Variants in UNC79 observed in about 807,000 individuals in gnomAD.
UNC79 encodes the protein protein unc-79 homolog.
A neutral mutation model predicts 283.1 loss-of-function variants in UNC79; 37 were observed. The observed-to-expected ratio is 0.13, with a 90% confidence interval of 0.10 to 0.17. The LOEUF is 0.17. Among genes scored for constraint, UNC79 ranks in the 10% least tolerant of loss-of-function variants. UNC79 has a pLI of 1.00. For synonymous variants in UNC79, 1,107 were observed against 1,200.2 expected, an observed-to-expected ratio of 0.92 and a Z score of 1.61; for missense variants, 2,272 against 3,211.1, an observed-to-expected ratio of 0.71 and a Z score of 7.07.
intron 29 of UNC79, chr14:93,620,933 C>T (rs2067085941): frequency 1.9e-6 from 1 of 518,328 alleles, no homozygotes; most frequent in African/African-American, 1.9e-5. Flanking sequence ...TCATGATACA[C>T]CTACTGGACC....
chr14:93,673,523 T>C (rs988188183), intron 41 of UNC79, 68 bp downstream of exon 44: 28 of 1,328,916 alleles, frequency 2.1e-5, no homozygotes, highest in Non-Finnish European at 3.0e-5. Flanking sequence ...TTAAGGGAGG[T>C]GTAGAGTGTA....
chr14:93,702,374 T>C (rs1320251704), intron 47 of UNC79, among the ~76,000 whole-genome samples: 1 of 152,216 alleles, frequency 6.6e-6, no homozygotes, highest in Non-Finnish European at 1.5e-5. Flanking sequence ...AACACAGTAT[T>C]CATGTTAGAG....
intron 14 of UNC79, among the ~76,000 whole-genome samples, chr14:93,554,104 A>G (rs1364912043): frequency 6.6e-6 from 1 of 152,326 alleles, no homozygotes; most frequent in South Asian, 2.1e-4. Context: ...TAATCCCAGC[A>G]CTTTGGGAGG....
intron 13 of UNC79, 65 bp downstream of exon 13, chr14:93,540,896 G>T: frequency 1.3e-6 from 2 of 1,596,142 alleles, no homozygotes; most frequent in Non-Finnish European, 1.7e-6. Context: ...TACTGAAGAG[G>T]AATTTCTCCT....
chr14:93,422,443 T>A (rs1267427501), intron 1 of UNC79, among the ~76,000 whole-genome samples: 3 of 152,162 alleles, frequency 2.0e-5, no homozygotes, highest in Non-Finnish European at 4.4e-5. Flanking sequence ...AAGGTCTGTG[T>A]TGATGTGAAT....
chr14:93,525,310 G>T (rs763614071), intron 8 of UNC79, among the ~76,000 whole-genome samples: 6 of 152,114 alleles, frequency 3.9e-5, no homozygotes, highest in Non-Finnish European at 8.8e-5. Context: ...TAAGCTGGGC[G>T]TGGTGGTGTG....
At chr14:93,339,047 T>C (rs2053643319) in intron 1 of UNC79, among the ~76,000 whole-genome samples, 1 of 152,308 alleles carries the variant, frequency 6.6e-6, no homozygotes, top group East Asian at 1.9e-4. Flanking sequence ...AGAATATTTA[T>C]GGATAGGAAA....
intron 23 of UNC79, among the ~76,000 whole-genome samples, chr14:93,594,422 A>G (rs117308027): frequency 0.017 from 2,564 of 152,128 alleles, 37 homozygotes; most frequent in South Asian, 0.086. Flanking sequence ...GGTGCATGCT[A>G]CTACACCAGG....
chr14:93,534,314 C>T (rs1174770836), intron 11 of UNC79, among the ~76,000 whole-genome samples: 4 of 152,194 alleles, frequency 2.6e-5, no homozygotes. Context: ...CATGTTGCAG[C>T]TGAGTAACTT....
Position 93,622,855 on chromosome 14 carries a change from T to C in UNC79, c.5608+14T>C, listed in dbSNP as rs778932938. Reference sequence around the variant, plus strand: ...AGAAAGATCCAGGTAAGCTCGCCTCTCTTCTTTCTCTCAGCCTTAACTTTA... The same window carrying C: ...AGAAAGATCCAGGTAAGCTCGCCTCCCTTCTTTCTCTCAGCCTTAACTTTA... On this transcript the variant is annotated intron_variant, in intron 30 of 48. Coordinates refer to ENST00000555664, the Ensembl canonical transcript of UNC79. The C allele has an allele frequency of 1.2e-5, 19 of 1,605,926 alleles. No homozygotes were observed. The highest frequency in any genetic ancestry group is 1.6e-5 in the Non-Finnish European group (19 of 1,175,444).
chr14:93,661,054 G>A (rs1791031780), intron 39 of UNC79, among the ~76,000 whole-genome samples: 1 of 152,104 alleles, frequency 6.6e-6, no homozygotes, highest in Non-Finnish European at 1.5e-5. Context: ...CTAACACAAA[G>A]TGCATTCATT....
chr14:93,492,970 G>A (rs1315615947), intron 5 of UNC79, among the ~76,000 whole-genome samples: 1 of 152,144 alleles, frequency 6.6e-6, no homozygotes, highest in Non-Finnish European at 1.5e-5. Context: ...CCTCATCTCA[G>A]GAAGCTTATC....
intron 1 of UNC79, among the ~76,000 whole-genome samples, chr14:93,372,652 G>A (rs1300162951): frequency 6.6e-6 from 1 of 152,112 alleles, no homozygotes; most frequent in African/African-American, 2.4e-5. Context: ...TAACAACAAA[G>A]GATCAAAATA....
At chr14:93,445,122 A>G (rs995148837) in intron 1 of UNC79, among the ~76,000 whole-genome samples, 2 of 152,214 alleles carry the variant, frequency 1.3e-5, no homozygotes, top group African/African-American at 4.8e-5. Flanking sequence ...GATAAATACA[A>G]TAGCTTTGCT....
At position 93,487,939 on chromosome 14, in the gene UNC79, G is replaced by A. The variant is rs565229286; in HGVS notation, c.712+184G>A. On this transcript the variant is annotated intron_variant, in intron 5 of 48. Transcript: ENST00000555664. The stretch of plus-strand genomic sequence containing the variant: ...ATTAGCAGTGATCCTGCAGGCTAGT[G>A]ATATTTTTAGAATATTTGAGGACAC... Among the ~76,000 whole-genome samples the A allele has an allele frequency of 3.3e-5, 5 of 152,302 alleles. No individual in the cohort carries two copies. In the East Asian group the frequency reaches 9.6e-4, roughly 29 times the overall value.
chr14:93,457,032 C>G (rs1377411450), intron 1 of UNC79, among the ~76,000 whole-genome samples: 1 of 152,118 alleles, frequency 6.6e-6, no homozygotes, highest in Non-Finnish European at 1.5e-5. Flanking sequence ...ATTGTTCTTC[C>G]TATGAGTAGT....
In UNC79 at chr14:93,704,570, C is replaced by A. The variant is rs2075744529; in HGVS notation, c.7549-55C>A. On this transcript the variant is annotated intron_variant, in intron 47 of 48. Transcript: ENST00000555664. The stretch of plus-strand genomic sequence containing the variant: ...CTGTTTTCCCTTGCAATGAGCGAAG[C>A]TTTGTGGGAGAATAGAGGACACTAA... 3.8e-6 allele frequency: 6 copies of A among 1,596,062 alleles called. No individual in the cohort carries two copies. The Admixed American group carries it at 8.3e-5, about 22-fold the overall frequency.
chr14:93,474,233 C>T lies in UNC79; in HGVS notation c.288C>T (p.Arg96=). ...GTTCCATCAACCCTACTGTTACTCG[C>T]TCCCTCCTTTACAGCGTCCTGCGAG... The change falls in exon 3 of 49, where the codon CGC becomes CGT. Residue 96 remains arginine (R), a synonymous_variant. Transcript: ENST00000555664. This position sits in a 1 kb window ranked among gnomAD's most constrained non-coding sequence, Gnocchi z 4.1. 1 of 1,536,128 alleles carries T rather than the reference C, an allele frequency of 6.5e-7. No individual in the cohort carries two copies. Among genetic ancestry groups the T allele is most frequent in the African/African-American group, 1.4e-5 (1 of 73,166 alleles).
intron 1 of UNC79, among the ~76,000 whole-genome samples, chr14:93,351,271 G>C (rs948087296): frequency 2.6e-5 from 4 of 152,072 alleles, no homozygotes; most frequent in African/African-American, 9.7e-5. Flanking sequence ...AAATTTAAAA[G>C]GGCTAAGGTA....
Sources: allele counts gnomAD v4.1 joint callset (sites outside exome capture counted in the v4.1 genomes callset), GRCh38; gene constraint gnomAD v4.1.1; non-coding constraint Gnocchi (gnomAD v3.1); transcripts MANE v1.5; gene names NCBI Gene and HGNC (gene_info 2026-07-23, HGNC 2026-07-21).